Variants in CCSER1 observed in about 807,000 individuals in gnomAD.
CCSER1 encodes coiled-coil serine rich protein 1, also known as serine-rich coiled-coil domain-containing protein 1.
A neutral mutation model predicts 82.0 loss-of-function variants in CCSER1; 41 were observed. The ratio of observed to expected loss-of-function variants is 0.50; its 90% CI spans 0.39 to 0.65. The LOEUF (loss-of-function observed/expected upper bound fraction) is 0.65, where lower values mean the gene tolerates loss of function less well. Among genes scored for constraint, CCSER1 ranks in the 30% least tolerant of loss-of-function variants. The probability of loss-of-function intolerance (pLI) is 0.00; values close to 1 mark genes in which losing one functional copy is unlikely to be tolerated. For synonymous variants in CCSER1, 414 were observed against 383.9 expected (o/e 1.08, Z -0.92); for missense variants, 1,119 against 1,064.2 (o/e 1.05, Z -0.72).
At chr4:91,058,682 C>T (rs1156347713) in intron 9 of CCSER1, among the ~76,000 whole-genome samples, 1 of 151,970 alleles carries the variant, frequency 6.6e-6, no homozygotes, top group Non-Finnish European at 1.5e-5. Flanking sequence ...TTATGTTATC[C>T]TTTCTGGAAC....
chr4:91,352,952 A>C (rs930747545), intron 10 of CCSER1, among the ~76,000 whole-genome samples: 2 of 152,192 alleles, frequency 1.3e-5, no homozygotes, highest in Non-Finnish European at 2.9e-5. Context: ...TGTTGAAAAA[A>C]ATAGACAGTG....
At chr4:90,642,895 T>C (rs75234529) in intron 6 of CCSER1, among the ~76,000 whole-genome samples, 19 of 33,282 alleles carry the variant, frequency 5.7e-4, no homozygotes, top group Admixed American at 4.1e-3. Flanking sequence ...TATTTTCTGT[T>C]TTTTTTTTTT....
At chr4:91,006,882 T>C (rs563712335) in intron 9 of CCSER1, among the ~76,000 whole-genome samples, 1 of 152,342 alleles carries the variant, frequency 6.6e-6, no homozygotes, top group South Asian at 2.1e-4. Flanking sequence ...CTTTCAACTT[T>C]TTCCTGTTCT....
At chr4:90,136,068 T>C (rs1012967917) in intron 1 of CCSER1, among the ~76,000 whole-genome samples, 1 of 152,218 alleles carries the variant, frequency 6.6e-6, no homozygotes, top group African/African-American at 2.4e-5. Context: ...GTCTCCTTCA[T>C]AACCTTATTT....
At chr4:91,455,880 C>T (rs1302927408) in intron 10 of CCSER1, among the ~76,000 whole-genome samples, 1 of 151,962 alleles carries the variant, frequency 6.6e-6, no homozygotes, top group Admixed American at 6.6e-5. Flanking sequence ...TTATTGAGAT[C>T]TTTAAAGTCG....
At chr4:90,851,133 C>A (rs1385308407) in intron 8 of CCSER1, among the ~76,000 whole-genome samples, 1 of 152,146 alleles carries the variant, frequency 6.6e-6, no homozygotes, top group Non-Finnish European at 1.5e-5. Context: ...TCTGGGGCCT[C>A]CCTAGGCATG....
At chr4:91,060,043 A>G (rs1486021180) in intron 9 of CCSER1, among the ~76,000 whole-genome samples, 2 of 152,082 alleles carry the variant, frequency 1.3e-5, no homozygotes, top group South Asian at 4.1e-4. Flanking sequence ...TCATGGTCCT[A>G]TAACAAACTC....
rs1032975346 is a variant in CCSER1 at position 91,012,193 on chromosome 4, C to T, written c.2173-73757C>T. Among the ~76,000 whole-genome samples the T allele has an allele frequency of 1.1e-4, 15 of 134,636 alleles. 1 individual carries two copies. Among genetic ancestry groups the T allele is most frequent in the Admixed American group, 2.9e-4 (4 of 13,612 alleles). 88.3% of individuals were successfully genotyped at this position (134,636 alleles called of 152,430 possible). The stretch of plus-strand genomic sequence containing the variant: ...AGCCAGGGTATTTTCCCCAGAGGTA[C>T]AGTACAGCTTTACTCAGGCACAGGG... On this transcript the variant is annotated intron_variant, in intron 9 of 10. Coordinates refer to ENST00000509176, the MANE Select transcript of CCSER1 (RefSeq NM_001145065.2).
At chr4:90,242,052 A>G (rs1206754745) in intron 1 of CCSER1, among the ~76,000 whole-genome samples, 1 of 152,202 alleles carries the variant, frequency 6.6e-6, no homozygotes, top group Non-Finnish European at 1.5e-5. Flanking sequence ...CCCACCTATA[A>G]TCCCAGCACT....
intron 5 of CCSER1, among the ~76,000 whole-genome samples, chr4:90,546,037 T>G (rs903926886): frequency 6.6e-6 from 1 of 152,152 alleles, no homozygotes. Context: ...CCTTATGGCA[T>G]CAGATGTGAG....
At chr4:90,924,457 T>C (rs7690597) in intron 9 of CCSER1, among the ~76,000 whole-genome samples, 43,309 of 151,832 alleles carry the variant, frequency 0.29, 6,562 homozygotes, top group Non-Finnish European at 0.32. Flanking sequence ...ATTTTCTTAA[T>C]TAAAAACAAC....
At chr4:90,667,717 C>T (rs892140143) in intron 6 of CCSER1, among the ~76,000 whole-genome samples, 1 of 152,158 alleles carries the variant, frequency 6.6e-6, no homozygotes, top group Admixed American at 6.6e-5. Flanking sequence ...GTATATGTGC[C>T]ACGTTTTCTT....
chr4:91,039,199 T>C (rs1034035628), intron 9 of CCSER1, among the ~76,000 whole-genome samples: 1 of 123,108 alleles, frequency 8.1e-6, no homozygotes, highest in African/African-American at 2.8e-5. Flanking sequence ...ACTTTTTCTT[T>C]CTTTCTTTCT....
At chr4:90,443,244 G>C (rs1221257753) in intron 4 of CCSER1, among the ~76,000 whole-genome samples, 1 of 151,860 alleles carries the variant, frequency 6.6e-6, no homozygotes, top group Non-Finnish European at 1.5e-5. Context: ...CACTTAAAGG[G>C]AGCACTTTAC....
intron 10 of CCSER1, among the ~76,000 whole-genome samples, chr4:91,167,606 T>G (rs1447579841): frequency 6.6e-6 from 1 of 152,240 alleles, no homozygotes; most frequent in Non-Finnish European, 1.5e-5. Context: ...TACACATGCA[T>G]TTTTTTGGAC....
intron 5 of CCSER1, among the ~76,000 whole-genome samples, chr4:90,492,921 G>T (rs1044806121): frequency 2.0e-5 from 3 of 151,942 alleles, no homozygotes; most frequent in Non-Finnish European, 4.4e-5. Context: ...CATTTGCTGA[G>T]GAGTGCTTTA....
At chr4:90,384,915 T>C (rs964542453) in intron 3 of CCSER1, among the ~76,000 whole-genome samples, 2 of 152,172 alleles carry the variant, frequency 1.3e-5, no homozygotes, top group Non-Finnish European at 2.9e-5. Flanking sequence ...CTCCAGTGTC[T>C]ATTATACCAC....
At chr4:90,718,013 C>T (rs758563382) in intron 6 of CCSER1, among the ~76,000 whole-genome samples, 15 of 151,412 alleles carry the variant, frequency 9.9e-5, no homozygotes, top group African/African-American at 3.6e-4. Context: ...AAAGTTGACA[C>T]GTCTAAAAAA....
intron 10 of CCSER1, among the ~76,000 whole-genome samples, chr4:91,102,217 AG>A (rs1305561323): frequency 6.6e-6 from 1 of 152,256 alleles, no homozygotes; most frequent in East Asian, 1.9e-4. Context: ...CAATAAAAAA[AG>A]AACACTACAT....
Sources: gnomAD v4.1 joint callset for allele counts (sites outside exome capture counted in the v4.1 genomes callset) on GRCh38, gnomAD v4.1.1 for gene constraint, MANE v1.5 for transcripts, NCBI Gene and HGNC (gene_info 2026-07-23, HGNC 2026-07-21) for gene names.